APH1B: variants seen among roughly 807,000 people sequenced by gnomAD.
APH1B encodes gamma-secretase subunit APH-1B.
Under a neutral mutation model 28.2 loss-of-function variants are expected in APH1B, and 27 were observed. The ratio of observed to expected loss-of-function variants is 0.96; its 90% confidence interval spans 0.70 to 1.32. The LOEUF (loss-of-function observed/expected upper bound fraction) is 1.32, where lower values mean the gene tolerates loss of function less well. Ranked by LOEUF, APH1B falls within the 40% of genes most tolerant of loss-of-function variation. The probability of loss-of-function intolerance (pLI) is 0.00; values close to 1 mark genes in which losing one functional copy is unlikely to be tolerated. For missense variants in APH1B, 305 were observed against 313.6 expected, an observed-to-expected ratio of 0.97 and a Z score of 0.21; for synonymous variants, 141 against 124.6, an observed-to-expected ratio of 1.13 and a Z score of -0.88.
intron 4 of APH1B, among the ~76,000 whole-genome samples, chr15:63,292,358 G>A (rs543227863): frequency 2.4e-4 from 36 of 152,096 alleles, no homozygotes; most frequent in Non-Finnish European, 4.4e-4. Context: ...ATATATCATC[G>A]AATTTGTATT....
rs201191001 is a variant in APH1B, at chr15:63,279,275, G to A, written c.228G>A (p.Ala76=). The A allele has an allele frequency of 1.9e-6, 3 of 1,611,166 alleles. No homozygotes were observed. Among genetic ancestry groups the A allele is most frequent in the African/African-American group, 1.3e-5 (1 of 74,912 alleles). ...PTQKYLLIFG[A]FVSVYIQEMF... ...AGAAATATCTGCTGATCTTTGGAGC[G>A]TTTGTCTCTGTCTATATCCAAGAAA... Residue 76 remains alanine (A), a synonymous_variant, in exon 2 of 6, where the codon GCG becomes GCA. Transcript: ENST00000261879.
intron 2 of APH1B, among the ~76,000 whole-genome samples, chr15:63,284,382 T>G (rs2038423673): frequency 6.6e-6 from 1 of 152,012 alleles, no homozygotes; most frequent in Non-Finnish European, 1.5e-5. Flanking sequence ...CCCGGCTCAT[T>G]TTTGTATTTT....
At position 63,279,274 on chromosome 15, in the gene APH1B, C is replaced by T. The variant is rs754872268; in HGVS notation, c.227C>T (p.Ala76Val). 6 of 1,611,588 alleles carry T rather than the reference C, an allele frequency of 3.7e-6. No homozygotes were observed. In the Admixed American group the frequency reaches 8.3e-5, roughly 22 times the overall value. The part of the protein sequence containing the change: ...PTQKYLLIFG[A>V]FVSVYIQEMF... ...CAGAAATATCTGCTGATCTTTGGAG[C>T]GTTTGTCTCTGTCTATATCCAAGAA... The change falls in exon 2 of 6, where the codon GCG (alanine) becomes GTG (valine). Residue 76 changes from alanine (A) to valine (V), a missense_variant. Physicochemically the swap from Ala to Val is moderately conservative, Grantham distance 64. Transcript: ENST00000261879.
rs71394505 is a variant in APH1B, at chr15:63,304,873, C to G, written c.607-741C>G. Among the ~76,000 whole-genome samples, 8,617 of 152,268 alleles carry G rather than the reference C, an allele frequency of 0.057. 332 individuals carry two copies. The highest frequency in any genetic ancestry group is 0.15 in the Middle Eastern group (43 of 294). ...GAATAATCTAGAAAATGCTCAATGCCTGCCATGCCCACGGAGGCCTCTTGA... is the reference window on the plus strand; with the variant it reads ...GAATAATCTAGAAAATGCTCAATGCGTGCCATGCCCACGGAGGCCTCTTGA... On this transcript the variant is annotated intron_variant, in intron 5 of 5. Coordinates refer to ENST00000261879, the MANE Select transcript of APH1B (RefSeq NM_031301.4). This position sits in a 1 kb window ranked among gnomAD's most constrained non-coding sequence, Gnocchi z 5.1.
At chr15:63,287,628 A>G in intron 4 of APH1B, 82 bp downstream of exon 4, 1 of 1,503,702 alleles carries the variant, frequency 6.7e-7, no homozygotes, top group Non-Finnish European at 9.0e-7. Context: ...TAGGAATTTC[A>G]GTGGATTGGA....
chr15:63,294,185 A>G (rs1213765310), intron 4 of APH1B, among the ~76,000 whole-genome samples: 1 of 152,110 alleles, frequency 6.6e-6, no homozygotes, highest in African/African-American at 2.4e-5. Flanking sequence ...TGCATGAGAC[A>G]AAAGTCCCAT....
intron 5 of APH1B, 44 bp from the exon 6 acceptor site, chr15:63,305,570 A>G: frequency 6.3e-7 from 1 of 1,588,896 alleles, no homozygotes; most frequent in Non-Finnish European, 8.6e-7. Flanking sequence ...CATGTTTAAT[A>G]AGCTTGCTGT....
chr15:63,292,260 T>A (rs964157669), intron 4 of APH1B, among the ~76,000 whole-genome samples: 13 of 152,258 alleles, frequency 8.5e-5, no homozygotes, highest in African/African-American at 2.9e-4. Flanking sequence ...CTTATCCTTT[T>A]ATGATTTCAT....
intron 2 of APH1B, among the ~76,000 whole-genome samples, chr15:63,282,903 A>G (rs2038404154): frequency 2.6e-5 from 4 of 152,252 alleles, no homozygotes; most frequent in Admixed American, 2.0e-4. Context: ...AAAGGATAGA[A>G]CAAATGAGAA....
intron 2 of APH1B, among the ~76,000 whole-genome samples, chr15:63,286,071 G>A (rs551396125): frequency 2.0e-5 from 3 of 152,328 alleles, no homozygotes; most frequent in African/African-American, 4.8e-5. Flanking sequence ...TGAAGGATGA[G>A]TGTAGTTTAG....
Position 63,277,745 on chromosome 15 carries a change from G to A in APH1B, c.113+9G>A. The A allele has an allele frequency of 1.9e-6, 3 of 1,607,012 alleles. No homozygotes were observed. Among genetic ancestry groups the A allele is most frequent in the Non-Finnish European group, 2.5e-6 (3 of 1,176,642 alleles). On this transcript the variant is annotated intron_variant, in intron 1 of 5. Transcript: ENST00000261879. ...ATCTTCCTCATCGCCGGGTGAGGCGGTCGCGTCGGGAAACCCGGACGCCGG... is the reference window on the plus strand; with the variant it reads ...ATCTTCCTCATCGCCGGGTGAGGCGATCGCGTCGGGAAACCCGGACGCCGG...
intron 4 of APH1B, among the ~76,000 whole-genome samples, chr15:63,294,213 G>A (rs1234648408): frequency 6.6e-6 from 1 of 151,776 alleles, no homozygotes; most frequent in African/African-American, 2.4e-5. Context: ...ACATCATCCA[G>A]TATGGTATCA....
rs549308586 is a variant in APH1B, at chr15:63,280,580, G to A, written c.284+1249G>A. Among the ~76,000 whole-genome samples the A allele has an allele frequency of 9.9e-5, 15 of 152,178 alleles. No homozygotes were observed. The East Asian group carries it at 1.5e-3, about 16-fold the overall frequency. On this transcript the variant is annotated intron_variant, in intron 2 of 5. Transcript: ENST00000261879. ...ATACCAGATACTGAATTCCCTTTTC[G>A]TAATGAAGGAATTTAAATTAGGAAT... is the stretch of plus-strand genomic sequence containing the variant.
chr15:63,290,685 G>A (rs994853740), intron 4 of APH1B, among the ~76,000 whole-genome samples: 3 of 152,192 alleles, frequency 2.0e-5, no homozygotes, highest in Admixed American at 6.5e-5. Flanking sequence ...TATCACAGGC[G>A]TCATTAAGTA....
rs561914382 is a variant in APH1B, at chr15:63,285,906, A to G, written c.285-652A>G. Among the ~76,000 whole-genome samples, 5 of 152,370 alleles carry G rather than the reference A, an allele frequency of 3.3e-5. No homozygotes were observed. The South Asian group carries it at 8.3e-4, about 25-fold the overall frequency. ...AAGCCTTATTGGTGATATAAAACAA[A>G]TATGTAAAACGTTTTAGAATCAGAA... On this transcript the variant is annotated intron_variant, in intron 2 of 5. Coordinates refer to ENST00000261879, the MANE Select transcript of APH1B (RefSeq NM_031301.4).
chr15:63,292,811 G>T (rs1275626689), intron 4 of APH1B, among the ~76,000 whole-genome samples: 1 of 152,220 alleles, frequency 6.6e-6, no homozygotes, highest in African/African-American at 2.4e-5. Context: ...ATAGTCTCTA[G>T]TAGCTTGTGA....
At chr15:63,295,269 A>G (rs527948674) in intron 4 of APH1B, among the ~76,000 whole-genome samples, 1 of 152,246 alleles carries the variant, frequency 6.6e-6, no homozygotes, top group Non-Finnish European at 1.5e-5. Flanking sequence ...AATAGAAAGT[A>G]ATAGAATCCC....
At position 63,286,521 on chromosome 15, in the gene APH1B, T is replaced by C. The variant is rs756817539; in HGVS notation, c.285-37T>C. The C allele has an allele frequency of 2.1e-5, 32 of 1,507,236 alleles. No homozygotes were observed. The East Asian group carries it at 2.6e-4, about 12-fold the overall frequency. The allele number at this position is 1,507,236 out of a possible 1,614,324, so 93.4% of individuals were successfully genotyped here. On this transcript the variant is annotated intron_variant, in intron 2 of 5. Transcript: ENST00000261879. ...ATATATTGCTCTTCCTTTTTTTTTT[T>C]TTTTTCTTCTTAATTACATGTGTGG...
intron 1 of APH1B, chr15:63,278,026 T>G (rs903359465): frequency 2.2e-5 from 10 of 452,404 alleles, no homozygotes; most frequent in South Asian, 1.1e-4. Flanking sequence ...CATATATGCA[T>G]CCTTCATTTT....
Sources: allele counts gnomAD v4.1 joint callset (sites outside exome capture counted in the v4.1 genomes callset), GRCh38; gene constraint gnomAD v4.1.1; non-coding constraint Gnocchi (gnomAD v3.1); transcripts MANE v1.5; gene names NCBI Gene and HGNC (gene_info 2026-07-23, HGNC 2026-07-21).